COLQ: variants seen among roughly 807,000 people sequenced by gnomAD.
The protein encoded by COLQ is acetylcholinesterase collagenic tail peptide.
In COLQ, 48 loss-of-function variants were observed where a neutral mutation model predicts 69.0. The observed-to-expected ratio is 0.70, with a 90% confidence interval of 0.55 to 0.88. The LOEUF is 0.88. Ranked by LOEUF, COLQ falls within the 40% of genes least tolerant of loss-of-function variation. The pLI is 0.00. For missense variants in COLQ, 618 were observed against 594.6 expected (o/e 1.04, Z -0.41); for synonymous variants, 217 against 211.2 (o/e 1.03, Z -0.24).
Position 15,507,312 on chromosome 3 carries a change from TG to T in COLQ, c.106+14207del, listed in dbSNP as rs539417098. On this transcript the variant is annotated intron_variant, in intron 1 of 16. Coordinates refer to ENST00000383788, the MANE Select transcript of COLQ (RefSeq NM_005677.4). ...AATAAAAATACTGGGTCAAAAAGTATGGGCACTTGTAATTTTTACACATATT... is the reference window on the plus strand; with the variant it reads ...AATAAAAATACTGGGTCAAAAAGTATGGCACTTGTAATTTTTACACATATT... Among the ~76,000 whole-genome samples, 8 of 152,378 alleles carry T rather than the reference TG, an allele frequency of 5.3e-5. No homozygotes were observed. In the East Asian group the frequency reaches 1.5e-3, roughly 29 times the overall value.
chr3:15,460,496 C>T (rs1325517751), intron 12 of COLQ, among the ~76,000 whole-genome samples: 2 of 152,158 alleles, frequency 1.3e-5, no homozygotes, highest in Non-Finnish European at 2.9e-5. Flanking sequence ...ACATCTGGGG[C>T]AGCCAGGGGC....
intron 1 of COLQ, among the ~76,000 whole-genome samples, chr3:15,494,827 G>A (rs531580299): frequency 7.9e-5 from 12 of 152,226 alleles, no homozygotes; most frequent in Admixed American, 3.9e-4. Flanking sequence ...GTCTAGCACT[G>A]TATCTGGCAT....
intron 1 of COLQ, among the ~76,000 whole-genome samples, chr3:15,518,309 C>T (rs879397485): frequency 6.6e-6 from 1 of 152,066 alleles, no homozygotes; most frequent in Non-Finnish European, 1.5e-5. Flanking sequence ...TGTAATCATT[C>T]TTATCATCCG....
intron 1 of COLQ, among the ~76,000 whole-genome samples, chr3:15,500,567 T>C (rs1332996570): frequency 6.6e-6 from 1 of 152,192 alleles, no homozygotes; most frequent in Admixed American, 6.5e-5. Flanking sequence ...AGATGATCGC[T>C]GGGGTCCTGT....
chr3:15,499,008 GCCTCAAA>G, intron 1 of COLQ: 5 of 1,035,522 alleles, frequency 4.8e-6, no homozygotes, highest in South Asian at 3.0e-5. Flanking sequence ...GCTCTGGTAA[GCCTCAAA>G]GTCAACCCCC....
intron 1 of COLQ, among the ~76,000 whole-genome samples, chr3:15,516,812 T>C (rs1053297036): frequency 6.6e-6 from 1 of 152,140 alleles, no homozygotes; most frequent in African/African-American, 2.4e-5. Flanking sequence ...TGCTAGAGCT[T>C]TGGGCATTGA....
intron 7 of COLQ, 64 bp downstream of exon 7, chr3:15,475,361 T>C (rs1159707157): frequency 6.8e-7 from 1 of 1,469,326 alleles, no homozygotes; most frequent in Non-Finnish European, 9.3e-7. Context: ...CCTATGTTTG[T>C]AGACAGCAGC....
intron 10 of COLQ, 49 bp from the exon 11 acceptor site, chr3:15,470,665 G>A (rs764796971): frequency 2.0e-6 from 3 of 1,522,966 alleles, no homozygotes; most frequent in Admixed American, 3.3e-5. Flanking sequence ...CATGTGGAGT[G>A]GGCACATCTA....
At chr3:15,455,872 G>A (rs1169903867) in intron 15 of COLQ, 27 bp downstream of exon 15, 12 of 1,613,836 alleles carry the variant, frequency 7.4e-6, no homozygotes, top group African/African-American at 1.3e-5. Context: ...TCAGGCCTCA[G>A]GTCCTCCTGG....
At chr3:15,461,101 C>G (rs2062104937) in intron 12 of COLQ, among the ~76,000 whole-genome samples, 1 of 152,170 alleles carries the variant, frequency 6.6e-6, no homozygotes, top group Non-Finnish European at 1.5e-5. Context: ...CGTTGATTCA[C>G]TTATACTCTG....
rs558631126 is a variant in COLQ at position 15,493,272 on chromosome 3, T to C, written c.107-3635A>G. On this transcript the variant is annotated intron_variant, in intron 1 of 16. Transcript: ENST00000383788. The stretch of plus-strand genomic sequence containing the variant: ...GGAGGAATGGCAGGAGAAAGACCCA[T>C]GTTCCATTCAGGGCTACTTGGATTG... 1.1e-4 allele frequency among the ~76,000 whole-genome samples: 17 copies of C among 152,300 alleles called. 1 individual carries two copies. The Middle Eastern group carries it at 0.014, about 122-fold the overall frequency.
rs1359904206 is a variant in COLQ at position 15,459,504 on chromosome 3, A to G, written c.815-1179T>C. Among the ~76,000 whole-genome samples the G allele has an allele frequency of 8.9e-5, 12 of 135,274 alleles. No homozygotes were observed. In the East Asian group the frequency reaches 1.7e-3, roughly 19 times the overall value. 88.7% of individuals were successfully genotyped at this position (135,274 alleles called of 152,430 possible). ...TTTTTTTTTTTTTTTTTGGAGACGG[A>G]GCCTCACTCTGTCGCCCAGGGTGAA... On this transcript the variant is annotated intron_variant, in intron 12 of 16. Coordinates refer to ENST00000383788, the MANE Select transcript of COLQ (RefSeq NM_005677.4).
chr3:15,479,786 G>T (rs898564406), intron 3 of COLQ, among the ~76,000 whole-genome samples: 9 of 152,142 alleles, frequency 5.9e-5, no homozygotes, highest in Non-Finnish European at 1.3e-4. Flanking sequence ...AACTTCCCTG[G>T]GGGCCTGACA....
chr3:15,453,104 C>T (rs1280856032), intron 16 of COLQ, among the ~76,000 whole-genome samples: 1 of 152,228 alleles, frequency 6.6e-6, no homozygotes, highest in African/African-American at 2.4e-5. Flanking sequence ...TCTGTAAGGA[C>T]TGGGGAGACA....
intron 1 of COLQ, among the ~76,000 whole-genome samples, chr3:15,491,028 G>C (rs2062657979): frequency 6.6e-6 from 1 of 152,164 alleles, no homozygotes; most frequent in South Asian, 2.1e-4. Context: ...TCTGGTGTTT[G>C]CACTGAGAAA....
At chr3:15,466,642 T>TTAG (rs2062204883) in intron 11 of COLQ, among the ~76,000 whole-genome samples, 1 of 112,600 alleles carries the variant, frequency 8.9e-6, no homozygotes, top group East Asian at 3.2e-4. Flanking sequence ...TTTGTAGACC[T>TTAG]TAGTTCTTGC....
intron 1 of COLQ, among the ~76,000 whole-genome samples, chr3:15,490,403 C>T (rs2062645751): frequency 6.6e-6 from 1 of 152,238 alleles, no homozygotes; most frequent in African/African-American, 2.4e-5. Context: ...ACAGCATTCC[C>T]CAGTGCCCAG....
At chr3:15,475,060 G>A (rs1168298366) in intron 7 of COLQ, 109 bp from the exon 8 acceptor site, 1 of 1,202,846 alleles carries the variant, frequency 8.3e-7, no homozygotes, top group Non-Finnish European at 1.2e-6. Context: ...TCTCCACATT[G>A]CACTGTGAGT....
chr3:15,453,940 A>T lies in COLQ; in HGVS notation c.1196-9T>A. 6.3e-7 allele frequency: 1 copy of T among 1,592,204 alleles called. No individual in the cohort carries two copies. Among genetic ancestry groups the T allele is most frequent in the Non-Finnish European group, 8.6e-7 (1 of 1,165,842 alleles). On this transcript the variant is annotated splice_polypyrimidine_tract_variant and intron_variant, in intron 15 of 16. Transcript: ENST00000383788. Reference sequence around the variant, plus strand: ...GTAGGCACGGTGACAGCCTGAGGGGACATAAGGAGGTGCAGTCTTGAGAAG... The same window carrying T: ...GTAGGCACGGTGACAGCCTGAGGGGTCATAAGGAGGTGCAGTCTTGAGAAG...
Sources: allele counts gnomAD v4.1 joint callset (sites outside exome capture counted in the v4.1 genomes callset), GRCh38; gene constraint gnomAD v4.1.1; transcripts MANE v1.5; gene names NCBI Gene and HGNC (gene_info 2026-07-23, HGNC 2026-07-21).